Variants in CFAP20DC observed in about 807,000 individuals in gnomAD.
The protein encoded by CFAP20DC is protein CFAP20DC.
Under a neutral mutation model 101.7 loss-of-function variants are expected in CFAP20DC, and 84 were observed. The ratio of observed to expected loss-of-function variants is 0.83; its 90% CI spans 0.69 to 0.99. The LOEUF is 0.99. Ranked by LOEUF, CFAP20DC falls within the 50% of genes least tolerant of loss-of-function variation. CFAP20DC has a pLI of 0.00. For missense variants in CFAP20DC, 1,007 were observed against 970.3 expected (o/e 1.04, Z -0.50); for synonymous variants, 359 against 351.2 (o/e 1.02, Z -0.25).
At chr3:58,838,011 T>C (rs1458142684) in intron 13 of CFAP20DC, among the ~76,000 whole-genome samples, 1 of 152,140 alleles carries the variant, frequency 6.6e-6, no homozygotes, top group African/African-American at 2.4e-5. Flanking sequence ...CTAGGCATCA[T>C]ACCCAAGAGT....
chr3:58,806,189 T>C (rs549998931), intron 15 of CFAP20DC, among the ~76,000 whole-genome samples: 9 of 152,318 alleles, frequency 5.9e-5, no homozygotes, highest in African/African-American at 1.9e-4. Flanking sequence ...ATTCCACAGC[T>C]AGTAAAAGGT....
downstream of CFAP20DC, chr3:58,737,242 C>T (rs1381239777): frequency 1.8e-5 from 8 of 456,232 alleles, no homozygotes; most frequent in Non-Finnish European, 3.5e-5. The surrounding 1 kb of genome is among the most constrained non-coding windows in gnomAD (Gnocchi z 4.1). Flanking sequence ...AAGCAAAAAA[C>T]AAAAAGCAAA....
chr3:58,946,227 G>A (rs1398599470), intron 4 of CFAP20DC, among the ~76,000 whole-genome samples: 2 of 148,806 alleles, frequency 1.3e-5, no homozygotes, highest in Admixed American at 6.8e-5. Flanking sequence ...AGCGATTCTC[G>A]TGTCTCAGTC....
Position 59,011,637 on chromosome 3 carries a change from CA to C in CFAP20DC, c.278+27919del, listed in dbSNP as rs1009104430. Among the ~76,000 whole-genome samples the C allele has an allele frequency of 7.4e-4, 112 of 151,286 alleles. 1 individual carries two copies. The highest frequency in any genetic ancestry group is 2.5e-3 in the African/African-American group (105 of 41,294). ...AGAGCAGAATTAAACGAAATGGAAA[CA>C]AAAAAAATACGAAAGATAAGTCTCT... is the stretch of plus-strand genomic sequence containing the variant. On this transcript the variant is annotated intron_variant, in intron 4 of 16. Transcript: ENST00000482387.
intron 14 of CFAP20DC, among the ~76,000 whole-genome samples, chr3:58,822,944 C>T: frequency 6.6e-6 from 1 of 152,136 alleles, no homozygotes; most frequent in Non-Finnish European, 1.5e-5. Flanking sequence ...AAGGAACATC[C>T]TTATCTCTGA....
chr3:58,907,092 C>T (rs570317665), intron 6 of CFAP20DC, among the ~76,000 whole-genome samples: 161 of 146,422 alleles, frequency 1.1e-3, no homozygotes, highest in Non-Finnish European at 1.9e-3. Flanking sequence ...TACTTTGTGC[C>T]TCGTGTGTGT....
At chr3:58,938,102 G>A (rs2107789367) in intron 4 of CFAP20DC, among the ~76,000 whole-genome samples, 1 of 152,242 alleles carries the variant, frequency 6.6e-6, no homozygotes, top group East Asian at 1.9e-4. Flanking sequence ...AGCCCCTTAA[G>A]CTTGTGTTAT....
chr3:58,751,392 G>C (rs1318008010), intron 16 of CFAP20DC, among the ~76,000 whole-genome samples: 1 of 152,150 alleles, frequency 6.6e-6, no homozygotes, highest in Non-Finnish European at 1.5e-5. Flanking sequence ...CCCAGGCCCG[G>C]CAGTTCCATA....
intron 15 of CFAP20DC, among the ~76,000 whole-genome samples, chr3:58,769,949 T>C (rs1298087028): frequency 6.6e-6 from 1 of 152,186 alleles, no homozygotes; most frequent in Non-Finnish European, 1.5e-5. Context: ...ACAGAGAGGA[T>C]CCAGTTTCCC....
At chr3:58,924,026 T>C (rs2085674554) in intron 5 of CFAP20DC, among the ~76,000 whole-genome samples, 2 of 152,206 alleles carry the variant, frequency 1.3e-5, no homozygotes, top group Admixed American at 1.3e-4. Context: ...GTTATACCCA[T>C]CCAGTGAATC....
intron 4 of CFAP20DC, among the ~76,000 whole-genome samples, chr3:58,990,937 T>C (rs1056786832): frequency 2.0e-5 from 3 of 152,212 alleles, no homozygotes; most frequent in African/African-American, 7.2e-5. Context: ...TGCTTTTCTT[T>C]CCTGGCTCCA....
chr3:58,915,681 G>A (rs1191083009), intron 5 of CFAP20DC, among the ~76,000 whole-genome samples: 2 of 152,138 alleles, frequency 1.3e-5, no homozygotes, highest in East Asian at 3.9e-4. Flanking sequence ...ATGTGGGGAG[G>A]CTTAGGAAAG....
At chr3:58,877,940 T>C (rs933029627) in intron 7 of CFAP20DC, among the ~76,000 whole-genome samples, 1 of 151,976 alleles carries the variant, frequency 6.6e-6, no homozygotes, top group Non-Finnish European at 1.5e-5. Flanking sequence ...AATAGTGCTG[T>C]GGGGACTGGG....
chr3:59,047,029 G>A (rs1286835236), intron 2 of CFAP20DC, 136 bp downstream of exon 2: 7 of 629,950 alleles, frequency 1.1e-5, no homozygotes, highest in South Asian at 2.0e-5. Flanking sequence ...GACAGCTGCA[G>A]CCAACAATGT....
In CFAP20DC at chr3:58,867,889, C is replaced by T. The variant is rs767611378; in HGVS notation, c.1063G>A (p.Ala355Thr). The T allele has an allele frequency of 2.5e-6, 4 of 1,613,274 alleles. No homozygotes were observed. The highest frequency in any genetic ancestry group is 2.2e-5 in the East Asian group (1 of 44,864). ...CTTCTTCTGTTATTATTCTTATCTG[C>T]TGATGGTTCTTGAGGGGGATGCGGA... is the stretch of plus-strand genomic sequence containing the variant. ...MHPHPPQEPS[A>T]DKNNNRRRLR... The change falls in exon 10 of 17, where the codon GCA (alanine) becomes ACA (threonine). Residue 355 changes from alanine to threonine, a missense_variant. Ala to Thr is a moderately conservative substitution (Grantham distance 58). Transcript: ENST00000482387.
intron 4 of CFAP20DC, among the ~76,000 whole-genome samples, chr3:58,991,046 A>G (rs996136536): frequency 2.0e-5 from 3 of 152,194 alleles, no homozygotes; most frequent in Non-Finnish European, 4.4e-5. Context: ...GCTCTAATAC[A>G]TATTTATCAA....
At chr3:58,919,617 T>C (rs567285157) in intron 5 of CFAP20DC, among the ~76,000 whole-genome samples, 7 of 152,196 alleles carry the variant, frequency 4.6e-5, no homozygotes, top group Admixed American at 4.6e-4. Flanking sequence ...AACAAACAAA[T>C]AGTCTTGCAA....
At chr3:58,990,754 GGTGTGTGTGT>G (rs71091398) in intron 4 of CFAP20DC, among the ~76,000 whole-genome samples, 10 of 143,928 alleles carry the variant, frequency 6.9e-5, no homozygotes, top group East Asian at 6.1e-4. Flanking sequence ...ATGCTCAGCT[GGTGTGTGTGT>G]GTGTGTGTGT....
chr3:58,794,374 T>A (rs1256572319), intron 15 of CFAP20DC: 2 of 455,126 alleles, frequency 4.4e-6, no homozygotes, highest in Non-Finnish European at 8.9e-6. Flanking sequence ...AGAACAATAA[T>A]GATAGTGTTA....
Sources: allele counts gnomAD v4.1 joint callset (sites outside exome capture counted in the v4.1 genomes callset), GRCh38; gene constraint gnomAD v4.1.1; non-coding constraint Gnocchi (gnomAD v3.1); transcripts MANE v1.5; gene names NCBI Gene and HGNC (gene_info 2026-07-23, HGNC 2026-07-21).